Variants in NLGN4X observed in about 807,000 individuals in gnomAD.
NLGN4X encodes the protein neuroligin 4 X-linked.
A neutral mutation model predicts 40.3 loss-of-function variants in NLGN4X; 3 were observed. That is an observed-to-expected ratio of 0.07 (90% CI 0.03 to 0.19). The LOEUF is 0.19. NLGN4X is among the 10% of genes least tolerant of loss of function. The pLI, the probability that NLGN4X is intolerant of heterozygous loss-of-function variation, is 1.00. For synonymous variants in NLGN4X, 270 were observed against 306.8 expected (o/e 0.88, Z 1.25); for missense variants, 382 against 708.3 (o/e 0.54, Z 5.23).
At chrX:5,943,801 T>C (rs1012273566) in intron 3 of NLGN4X, among the ~76,000 whole-genome samples, 8 of 112,584 alleles carry the variant, frequency 7.1e-5, no homozygotes, top group Admixed American at 1.9e-4. Context: ...CATTTAAGGA[T>C]AGAGCTGCCT....
At chrX:6,037,737 A>G (rs2037053846) in intron 2 of NLGN4X, among the ~76,000 whole-genome samples, 1 of 102,571 alleles carries the variant, frequency 9.7e-6, no homozygotes, top group Admixed American at 1.1e-4. Context: ...CCACACAGGG[A>G]AAGTTGCATA....
chrX:6,155,349 C>A (rs926828343), intron 1 of NLGN4X, among the ~76,000 whole-genome samples: 1 of 112,140 alleles, frequency 8.9e-6, no homozygotes, highest in Non-Finnish European at 1.9e-5. Flanking sequence ...AATTACTGGG[C>A]TTGTACAATA....
At chrX:6,103,060 T>C (rs2038953708) in intron 2 of NLGN4X, among the ~76,000 whole-genome samples, 1 of 111,940 alleles carries the variant, frequency 8.9e-6, no homozygotes, top group South Asian at 3.7e-4. Context: ...AAGTATGCAA[T>C]GCTCAGCCCG....
chrX:6,191,711 T>C (rs1269598352), intron 1 of NLGN4X, among the ~76,000 whole-genome samples: 1 of 110,912 alleles, frequency 9.0e-6, no homozygotes, highest in Non-Finnish European at 1.9e-5. Flanking sequence ...ATACAAAAAC[T>C]AGCTGAGCGT....
intron 3 of NLGN4X, among the ~76,000 whole-genome samples, chrX:6,000,850 T>A (rs1270800739): frequency 1.8e-5 from 2 of 111,450 alleles, no homozygotes; most frequent in Non-Finnish European, 3.8e-5. Flanking sequence ...CTTCCACATT[T>A]TTGGGTATCT....
intron 1 of NLGN4X, among the ~76,000 whole-genome samples, chrX:6,155,208 G>A (rs900696467): frequency 9.0e-6 from 1 of 111,460 alleles, no homozygotes; most frequent in Middle Eastern, 4.6e-3. Flanking sequence ...CACGCTGAAC[G>A]TCTGGGCCCA....
At chrX:6,178,335 T>C (rs1921036167) in intron 1 of NLGN4X, among the ~76,000 whole-genome samples, 1 of 112,019 alleles carries the variant, frequency 8.9e-6, no homozygotes, top group African/African-American at 3.2e-5. Context: ...CGAGCTCTGA[T>C]ACCTGACTCA....
intron 3 of NLGN4X, among the ~76,000 whole-genome samples, chrX:5,919,812 T>C (rs1428158063): frequency 3.6e-5 from 4 of 111,836 alleles, no homozygotes; most frequent in African/African-American, 1.3e-4. Flanking sequence ...GTGCCAAAAG[T>C]GTTGAGGACT....
intron 3 of NLGN4X, among the ~76,000 whole-genome samples, chrX:5,912,612 G>T (rs1346535173): frequency 1.8e-5 from 2 of 110,128 alleles, no homozygotes; most frequent in East Asian, 5.8e-4. Flanking sequence ...GACTTAAAAA[G>T]CATGTGGGCT....
chrX:6,017,231 G>A (rs1317748728), intron 3 of NLGN4X, among the ~76,000 whole-genome samples: 1 of 112,019 alleles, frequency 8.9e-6, no homozygotes, highest in East Asian at 2.8e-4. Flanking sequence ...GCCATTAAAA[G>A]TATCAGAAGT....
At chrX:6,112,842 G>C (rs1382857976) in intron 2 of NLGN4X, among the ~76,000 whole-genome samples, 3 of 110,350 alleles carry the variant, frequency 2.7e-5, no homozygotes, top group Non-Finnish European at 5.7e-5. Flanking sequence ...CGTGATACTG[G>C]AGATATCTGG....
chrX:5,909,318 C>G lies in NLGN4X; in HGVS notation c.626-79G>C, dbSNP rs1601867988. On this transcript the variant is annotated intron_variant, in intron 3 of 5. Transcript: ENST00000381095. ...GTCTCTGCTATTTGAAAAGATATCT[C>G]ATAGCTTGTCTTCTTCATTCTCTCT... The G allele has an allele frequency of 3.7e-5, 39 of 1,066,365 alleles. No homozygotes were observed. In the East Asian group the frequency reaches 1.2e-3, roughly 32 times the overall value. 87.9% of individuals were successfully genotyped at this position (1,066,365 alleles called of 1,213,427 possible).
intron 1 of NLGN4X, among the ~76,000 whole-genome samples, chrX:6,217,576 C>A (rs1925195373): frequency 9.0e-6 from 1 of 111,576 alleles, no homozygotes; most frequent in Non-Finnish European, 1.9e-5. Context: ...TAATATGGTA[C>A]CGTTTAATCT....
intron 2 of NLGN4X, among the ~76,000 whole-genome samples, chrX:6,147,963 C>A (rs1009672724): frequency 9.0e-6 from 1 of 111,382 alleles, no homozygotes; most frequent in African/African-American, 3.3e-5. Flanking sequence ...GATCATGATG[C>A]CAGTTTAAAT....
chrX:5,913,331 G>A (rs1336947107), intron 3 of NLGN4X, among the ~76,000 whole-genome samples: 2 of 111,490 alleles, frequency 1.8e-5, no homozygotes, highest in Non-Finnish European at 3.8e-5. Context: ...CTTGGAAAGA[G>A]CCACACATGA....
chrX:6,065,790 G>A (rs780376339), intron 2 of NLGN4X, among the ~76,000 whole-genome samples: 47 of 111,287 alleles, frequency 4.2e-4, no homozygotes, highest in Non-Finnish European at 6.6e-4. Context: ...ATTATTTGGT[G>A]CCTAAATTTT....
intron 3 of NLGN4X, among the ~76,000 whole-genome samples, chrX:5,954,594 ATCTCTGTCTCTGTCTCTGTCTCTGTCTC>A (rs747169903): frequency 7.3e-4 from 71 of 97,770 alleles, no homozygotes; most frequent in African/African-American, 2.4e-3. Context: ...GTCCCTGGCA[ATCTCTGTCTCTGTCTCTGTCTCTGTCTC>A]TCTCTGTCTC....
intron 5 of NLGN4X, among the ~76,000 whole-genome samples, chrX:5,894,148 T>A (rs1469300515): frequency 8.9e-6 from 1 of 111,785 alleles, no homozygotes; most frequent in African/African-American, 3.3e-5. Context: ...TGAGGGATGC[T>A]ACTAAATACC....
intron 1 of NLGN4X, among the ~76,000 whole-genome samples, chrX:6,188,004 A>G (rs901319947): frequency 3.6e-5 from 4 of 112,325 alleles, no homozygotes; most frequent in East Asian, 2.8e-4. Context: ...CGTTTGATCA[A>G]TAACCTACAA....
Sources: allele counts gnomAD v4.1 joint callset (sites outside exome capture counted in the v4.1 genomes callset), GRCh38; gene constraint gnomAD v4.1.1; transcripts MANE v1.5; gene names NCBI Gene and HGNC (gene_info 2026-07-23, HGNC 2026-07-21).